Variants in SETD9 observed in about 807,000 individuals in gnomAD.
The protein encoded by SETD9 is SET domain-containing protein 9.
A neutral mutation model predicts 36.4 loss-of-function variants in SETD9; 37 were observed. The observed-to-expected ratio is 1.02, with a 90% CI of 0.78 to 1.34. The LOEUF is 1.34. SETD9 is among the 40% of genes most tolerant of loss of function. The pLI, the probability that SETD9 is intolerant of heterozygous loss-of-function variation, is 0.00. For synonymous variants in SETD9, 128 were observed against 132.9 expected (o/e 0.96, Z 0.26); for missense variants, 323 against 353.2 (o/e 0.91, Z 0.69).
intron 5 of SETD9, chr5:56,923,036 G>C (rs1749747559): frequency 2.0e-6 from 2 of 990,996 alleles, no homozygotes; most frequent in Admixed American, 2.4e-5. Context: ...TAGTGAGAAA[G>C]GTTCAAACTT....
At chr5:56,924,082 A>C in intron 5 of SETD9, 1 of 1,585,400 alleles carries the variant, frequency 6.3e-7, no homozygotes, top group Non-Finnish European at 8.6e-7. Context: ...CAACAAACTC[A>C]ACCATTTTTT....
downstream of SETD9, among the ~76,000 whole-genome samples, chr5:56,927,293 G>A (rs1300882429): frequency 1.3e-5 from 2 of 151,948 alleles, no homozygotes; most frequent in African/African-American, 2.4e-5. Flanking sequence ...TTTAACAAAT[G>A]TACCACACTA....
At chr5:56,923,128 T>C in intron 5 of SETD9, 1 of 1,611,094 alleles carries the variant, frequency 6.2e-7, no homozygotes, top group South Asian at 1.1e-5. Flanking sequence ...CTCACTCAGG[T>C]CACTCAGAGT....
downstream of SETD9, among the ~76,000 whole-genome samples, chr5:56,919,262 G>T (rs1749553206): frequency 6.6e-6 from 1 of 151,706 alleles, no homozygotes; most frequent in South Asian, 2.1e-4. Flanking sequence ...AGTAGCTGGG[G>T]TTACAGGCAT....
downstream of SETD9, among the ~76,000 whole-genome samples, chr5:56,926,448 G>GA (rs201465195): frequency 2.2e-4 from 33 of 148,564 alleles, no homozygotes; most frequent in Admixed American, 1.1e-3. Context: ...ATGAACACCT[G>GA]AAAAAAAAAC....
chr5:56,928,586 T>C (rs1467407927), downstream of SETD9: 4 of 484,314 alleles, frequency 8.3e-6, no homozygotes, highest in African/African-American at 5.9e-5. Context: ...GAATATACTA[T>C]CAGCCATTCC....
chr5:56,925,396 G>C, exon 6 of SETD9: 2 of 445,062 alleles, frequency 4.5e-6, no homozygotes, highest in Non-Finnish European at 9.0e-6. Context: ...TAACTAATAA[G>C]CACTTACAGC....
In SETD9 at chr5:56,916,809, T is replaced by C. The variant is rs571362826; in HGVS notation, c.813-6T>C. 1.9e-6 allele frequency: 3 copies of C among 1,600,020 alleles called. No homozygotes were observed. The highest frequency in any genetic ancestry group is 2.6e-6 in the Non-Finnish European group (3 of 1,175,746). On this transcript the variant is annotated splice_polypyrimidine_tract_variant and splice_region_variant and intron_variant, in intron 5 of 5. Coordinates refer to ENST00000285947, the MANE Select transcript of SETD9 (RefSeq NM_153706.4). ...CTCTACCTTTTGTATATCTTTTTGT[T>C]TTCAGCCCACTTCGATGTGTTGTTC...
At chr5:56,925,950 C>A (rs371051042), downstream of SETD9, among the ~76,000 whole-genome samples, 2 of 151,986 alleles carry the variant, frequency 1.3e-5, no homozygotes, top group Admixed American at 6.6e-5. Flanking sequence ...CCCACGGGTA[C>A]AGTCAACTGA....
chr5:56,927,172 T>A (rs1007154723), downstream of SETD9, among the ~76,000 whole-genome samples: 5 of 152,076 alleles, frequency 3.3e-5, no homozygotes, highest in South Asian at 2.1e-4. Flanking sequence ...CTGGTGGATA[T>A]GTATCATTAT....
Position 56,916,918 on chromosome 5 carries a change from A to C in SETD9, c.*16A>C. On this transcript the variant is annotated 3_prime_UTR_variant, in exon 6 of 6. Coordinates refer to ENST00000285947, the MANE Select transcript of SETD9 (RefSeq NM_153706.4). ...TGTCAGCTAACTCTGTGAATCAGAA[A>C]TTATTAGGTTTTCTACTCAGCTATT... is the stretch of plus-strand genomic sequence containing the variant. 6.3e-7 allele frequency: 1 copy of C among 1,589,536 alleles called. No individual in the cohort carries two copies. The highest frequency in any genetic ancestry group is 8.5e-7 in the Non-Finnish European group (1 of 1,172,078).
chr5:56,912,899 G>A (rs2112018576), intron 2 of SETD9, 112 bp from the exon 3 acceptor site: 1 of 1,186,074 alleles, frequency 8.4e-7, no homozygotes, highest in Non-Finnish European at 1.2e-6. Flanking sequence ...CACGCTTTAA[G>A]AGGGAGAAAG....
intron 2 of SETD9, among the ~76,000 whole-genome samples, chr5:56,912,430 C>T (rs1749187646): frequency 1.3e-5 from 2 of 152,050 alleles, no homozygotes; most frequent in African/African-American, 4.8e-5. Flanking sequence ...TTTTACATCC[C>T]CAAACAAGGG....
chr5:56,926,884 A>AT (rs138836485), downstream of SETD9, among the ~76,000 whole-genome samples: 34,143 of 152,106 alleles, frequency 0.22, 5,078 homozygotes, highest in Middle Eastern at 0.34. Flanking sequence ...CTATTCAGTG[A>AT]TAAAAAAAAG....
chr5:56,922,979 T>C, intron 5 of SETD9: 2 of 650,668 alleles, frequency 3.1e-6, no homozygotes, highest in Non-Finnish European at 5.2e-6. Flanking sequence ...AAAATACTCT[T>C]GATAAATCAA....
downstream of SETD9, among the ~76,000 whole-genome samples, chr5:56,918,529 C>A (rs901361444): frequency 1.3e-5 from 2 of 152,194 alleles, no homozygotes; most frequent in African/African-American, 4.8e-5. Context: ...CTTCCACAGG[C>A]TTTTCCGTCT....
downstream of SETD9, among the ~76,000 whole-genome samples, chr5:56,919,313 ACG>A (rs1749555438): frequency 6.6e-6 from 1 of 151,898 alleles, no homozygotes; most frequent in South Asian, 2.1e-4. Flanking sequence ...TTTAGTAGAG[ACG>A]GGGTTTCACT....
chr5:56,913,154 A>C lies in SETD9; in HGVS notation c.590+20A>C, dbSNP rs1269229408. On this transcript the variant is annotated intron_variant, in intron 3 of 5. Coordinates refer to ENST00000285947, the MANE Select transcript of SETD9 (RefSeq NM_153706.4). ...GTACAGGTAAGTGATGCCCATGTTC[A>C]AATTTAATTATAGGAGACAGAACCG... 6.2e-7 allele frequency: 1 copy of C among 1,612,002 alleles called. No homozygotes were observed. The highest frequency in any genetic ancestry group is 2.2e-5 in the East Asian group (1 of 44,846).
chr5:56,909,521 A>C, upstream of SETD9: 2 of 640,982 alleles, frequency 3.1e-6, no homozygotes, highest in Middle Eastern at 3.8e-4. Flanking sequence ...CGGTGCCAGG[A>C]ACACTGAGAG....
Sources: allele counts gnomAD v4.1 joint callset (sites outside exome capture counted in the v4.1 genomes callset), GRCh38; gene constraint gnomAD v4.1.1; transcripts MANE v1.5; gene names NCBI Gene and HGNC (gene_info 2026-07-23, HGNC 2026-07-21).